GPC1: variants seen among roughly 807,000 people sequenced by gnomAD.
GPC1 encodes the protein glypican 1, also known as glypican-1.
A neutral mutation model predicts 51.5 loss-of-function variants in GPC1; 26 were observed. The observed-to-expected ratio is 0.50, with a 90% CI of 0.37 to 0.70. The LOEUF (loss-of-function observed/expected upper bound fraction) is 0.70, where lower values mean the gene tolerates loss of function less well. GPC1 is among the 30% of genes least tolerant of loss of function. The probability of loss-of-function intolerance (pLI) is 0.00; values close to 1 mark genes in which losing one functional copy is unlikely to be tolerated. For missense variants in GPC1, 775 were observed against 800.5 expected (o/e 0.97, Z 0.38); for synonymous variants, 380 against 348.3 (o/e 1.09, Z -1.01).
intron 1 of GPC1, among the ~76,000 whole-genome samples, chr2:240,441,179 A>G: frequency 6.6e-6 from 1 of 152,256 alleles, no homozygotes; most frequent in East Asian, 1.9e-4. Context: ...GGGCATACCT[A>G]CCTGGTGGCC....
rs1425458296 is a variant in GPC1 at position 240,466,212 on chromosome 2, C to T, written c.1599C>T (p.Ser533=). Residue 533 remains serine, a synonymous_variant, in exon 9 of 9, where the codon AGC becomes AGT. Transcript: ENST00000264039. The stretch of plus-strand genomic sequence containing the variant: ...AAGGACAGAAGACCTCGGCTGCCAG[C>T]TGCCCCCAGCCCCCGACCTTCCTCC... ...EQEGQKTSAA[S]CPQPPTFLLP... 1 of 1,612,764 alleles carries T rather than the reference C, an allele frequency of 6.2e-7. No homozygotes were observed. Among genetic ancestry groups the T allele is most frequent in the African/African-American group, 1.3e-5 (1 of 75,036 alleles).
chr2:240,455,236 C>T (rs531490924), intron 1 of GPC1, among the ~76,000 whole-genome samples: 6 of 152,230 alleles, frequency 3.9e-5, no homozygotes, highest in Admixed American at 3.9e-4. Flanking sequence ...ACAAATAATC[C>T]CCTTCCCCCC....
chr2:240,463,788 G>A (rs6752273), intron 4 of GPC1: 97,079 of 513,802 alleles, frequency 0.19, 10,122 homozygotes, highest in Non-Finnish European at 0.22. Context: ...ACCTCGGTGT[G>A]CATACATGCC....
intron 4 of GPC1, 42 bp downstream of exon 4, chr2:240,463,554 G>T: frequency 6.3e-7 from 1 of 1,584,216 alleles, no homozygotes; most frequent in Non-Finnish European, 8.6e-7. Context: ...CTGTCTTGGG[G>T]AGTGCACGAC....
intron 1 of GPC1, among the ~76,000 whole-genome samples, chr2:240,444,475 C>T (rs1366333969): frequency 6.6e-6 from 1 of 152,184 alleles, no homozygotes; most frequent in Admixed American, 6.5e-5. Flanking sequence ...TGCAGTGACC[C>T]CGATGCTCTG....
chr2:240,463,159 A>G (rs1209206142), intron 3 of GPC1, among the ~76,000 whole-genome samples, 188 bp from the exon 4 acceptor site: 1 of 152,000 alleles, frequency 6.6e-6, no homozygotes, highest in Non-Finnish European at 1.5e-5. Context: ...CCTCGAGATC[A>G]TTAAAATGAG....
chr2:240,457,179 C>T (rs1479179608), intron 1 of GPC1, among the ~76,000 whole-genome samples: 1 of 152,154 alleles, frequency 6.6e-6, no homozygotes, highest in African/African-American at 2.4e-5. Context: ...CCAGAGCCCC[C>T]TGCATCAGTA....
At chr2:240,450,124 C>A in intron 1 of GPC1, 1 of 343,324 alleles carries the variant, frequency 2.9e-6, no homozygotes, top group South Asian at 2.3e-5. Context: ...AACTGGCCCC[C>A]GTGCTTTATC....
intron 1 of GPC1, chr2:240,452,921 G>A: frequency 1.0e-5 from 3 of 297,314 alleles, no homozygotes; most frequent in South Asian, 5.0e-5. Context: ...CCTCCTGCGA[G>A]CCCTTCCGCC....
At chr2:240,460,989 C>T (rs558388216) in intron 2 of GPC1, among the ~76,000 whole-genome samples, 3 of 152,152 alleles carry the variant, frequency 2.0e-5, no homozygotes, top group African/African-American at 4.8e-5. Context: ...CTGTGTCCGC[C>T]CCCCCACCAG....
intron 1 of GPC1, among the ~76,000 whole-genome samples, chr2:240,443,225 C>T (rs2074029471): frequency 6.6e-6 from 1 of 152,226 alleles, no homozygotes; most frequent in Non-Finnish European, 1.5e-5. Context: ...CTGGGAGAGT[C>T]GTGGTTCAGT....
chr2:240,465,527 G>A lies in GPC1; in HGVS notation c.1323G>A (p.Glu441=). ...DGLANQINNP[E]VEVDITKPDM... is the part of the protein sequence containing the mutation. ...TGGCCAACCAGATCAACAACCCCGAGGTGGAGGTGGACATCACCAAGCCGG... is the reference window on the plus strand; with the variant it reads ...TGGCCAACCAGATCAACAACCCCGAAGTGGAGGTGGACATCACCAAGCCGG... Residue 441 remains glutamate, a synonymous_variant, in exon 8 of 9, where the codon GAG becomes GAA. Transcript: ENST00000264039. 6.2e-7 allele frequency: 1 copy of A among 1,613,180 alleles called. No individual in the cohort carries two copies. Among genetic ancestry groups the A allele is most frequent in the East Asian group, 2.2e-5 (1 of 44,886 alleles).
In GPC1 at chr2:240,465,598, A is replaced by G; in HGVS notation, c.1394A>G (p.Asn465Ser). 1 of 1,613,042 alleles carries G rather than the reference A, an allele frequency of 6.2e-7. No individual in the cohort carries two copies. Among genetic ancestry groups the G allele is most frequent in the Non-Finnish European group, 8.5e-7 (1 of 1,179,998 alleles). Residue 465 changes from asparagine to serine, a missense_variant, in exon 8 of 9, where the codon AAC becomes AGC. By Grantham distance (46) the Asn-to-Ser change is conservative. Coordinates refer to ENST00000264039, the MANE Select transcript of GPC1 (RefSeq NM_002081.3). The part of the protein sequence containing the change: ...QQIMQLKIMT[N>S]RLRSAYNGND... The stretch of plus-strand genomic sequence containing the variant: ...ATCATGCAGCTGAAGATCATGACCA[A>G]CCGGCTGCGCAGCGCCTACAACGGC...
intron 1 of GPC1, chr2:240,450,541 C>G (rs541287903): frequency 1.5e-5 from 7 of 463,234 alleles, no homozygotes; most frequent in South Asian, 9.4e-5. Context: ...TAACCCCCTG[C>G]GAGGCCCATA....
intron 1 of GPC1, chr2:240,450,225 C>G (rs1574762602): frequency 3.1e-6 from 1 of 320,576 alleles, no homozygotes; most frequent in African/African-American, 2.2e-5. Flanking sequence ...GGCAGAGGTG[C>G]CTGGGCGGCC....
At chr2:240,440,492 C>T (rs576482349) in intron 1 of GPC1, among the ~76,000 whole-genome samples, 2 of 152,334 alleles carry the variant, frequency 1.3e-5, no homozygotes, top group East Asian at 1.9e-4. Context: ...TGTCCTGGGC[C>T]TGGGCTCCAT....
At chr2:240,462,661 C>T (rs2074227048) in intron 3 of GPC1, 79 bp downstream of exon 3, 1 of 1,341,530 alleles carries the variant, frequency 7.5e-7, no homozygotes, top group South Asian at 1.4e-5. Flanking sequence ...CTTCCCCCTA[C>T]TTTAACCCTG....
intron 1 of GPC1, among the ~76,000 whole-genome samples, chr2:240,446,474 G>T (rs747382171): frequency 2.5e-4 from 38 of 152,220 alleles, no homozygotes; most frequent in Non-Finnish European, 4.4e-4. Flanking sequence ...AAGTAAAGGG[G>T]TGTGACATGC....
rs547373805 is a variant in GPC1, at chr2:240,464,479, A to T, written c.884-137A>T. The T allele has an allele frequency of 1.4e-3, 1,690 of 1,170,650 alleles. 4 individuals carry two copies. The highest frequency in any genetic ancestry group is 1.9e-3 in the Non-Finnish European group (1,501 of 798,780). 72.5% of individuals were successfully genotyped at this position (1,170,650 alleles called of 1,614,324 possible). A position where few individuals can be genotyped will look rare whatever the true frequency, so the allele number is the denominator to read the frequency against. On this transcript the variant is annotated intron_variant, in intron 4 of 8. Coordinates refer to ENST00000264039, the MANE Select transcript of GPC1 (RefSeq NM_002081.3). ...ATGTCACACGGGCCAACCTGAGTGCACACGTGGGATCTCCCATGCTGACCC... is the reference window on the plus strand; with the variant it reads ...ATGTCACACGGGCCAACCTGAGTGCTCACGTGGGATCTCCCATGCTGACCC...
Sources: gnomAD v4.1 joint callset for allele counts (sites outside exome capture counted in the v4.1 genomes callset) on GRCh38, gnomAD v4.1.1 for gene constraint, MANE v1.5 for transcripts, NCBI Gene and HGNC (gene_info 2026-07-23, HGNC 2026-07-21) for gene names.